The following MED1 variants were observed in gnomAD, a reference collection of about 807,000 sequenced individuals.
MED1 encodes mediator of RNA polymerase II transcription subunit 1.
A neutral mutation model predicts 121.3 loss-of-function variants in MED1; 17 were observed. That is an observed-to-expected ratio of 0.14 (90% CI 0.10 to 0.21). The LOEUF (loss-of-function observed/expected upper bound fraction) is 0.21. Ranked by LOEUF, MED1 falls within the 10% of genes least tolerant of loss-of-function variation. The pLI is 1.00. For synonymous variants in MED1, 661 were observed against 694.4 expected (o/e 0.95, Z 0.76); for missense variants, 1,558 against 1,919.4 (o/e 0.81, Z 3.52).
intron 1 of MED1, among the ~76,000 whole-genome samples, chr17:39,448,306 G>A (rs1357490154): frequency 3.3e-5 from 5 of 149,750 alleles, no homozygotes; most frequent in Non-Finnish European, 5.9e-5. Flanking sequence ...GGAGGCAGAG[G>A]TTGCAGTGAG....
intron 10 of MED1, 145 bp from the exon 11 acceptor site, chr17:39,424,883 T>G (rs1375850681): frequency 6.9e-5 from 37 of 537,554 alleles, no homozygotes; most frequent in Middle Eastern, 1.0e-3. Context: ...ATTTATGTAT[T>G]TATTTATTTA....
chr17:39,418,000 C>T (rs1597857026), intron 14 of MED1, among the ~76,000 whole-genome samples: 1 of 137,580 alleles, frequency 7.3e-6, no homozygotes, highest in South Asian at 2.5e-4. Flanking sequence ...GCAGGAGAAT[C>T]GCTTGAACCT....
Position 39,409,643 on chromosome 17 carries a change from G to GA in MED1, c.2577dup (p.His860SerfsTer2). 6.2e-7 allele frequency: 1 copy of GA among 1,613,872 alleles called. No homozygotes were observed. The highest frequency in any genetic ancestry group is 8.5e-7 in the Non-Finnish European group (1 of 1,179,956). Reference sequence around the variant, plus strand: ...TCAGGATTGAAATCTACTCCATCATGAAAAAAATGATTGGTAGGAGAGTCA... The same window carrying GA: ...TCAGGATTGAAATCTACTCCATCATGAAAAAAAATGATTGGTAGGAGAGTCA... On this transcript the variant is annotated frameshift_variant, in exon 17 of 17. Transcript: ENST00000300651. LOFTEE classifies it high-confidence loss of function.
Position 39,440,240 on chromosome 17 carries a change from T to G in MED1, c.399+146A>C. The G allele has an allele frequency of 1.3e-6, 1 of 744,810 alleles. No homozygotes were observed. Among genetic ancestry groups the G allele is most frequent in the Non-Finnish European group, 2.1e-6 (1 of 480,258 alleles). 46.1% of individuals were successfully genotyped at this position (744,810 alleles called of 1,614,324 possible). A position where few individuals can be genotyped will look rare whatever the true frequency, so the allele number is the denominator to read the frequency against. ...TATTTTCTAAATCCCATTCTATAGC[T>G]GTTGATTTTGTAGCCCATCACATCA... On this transcript the variant is annotated intron_variant, in intron 5 of 16. Transcript: ENST00000300651. This position sits in a 1 kb window ranked among gnomAD's most constrained non-coding sequence, Gnocchi z 4.1.
intron 14 of MED1, among the ~76,000 whole-genome samples, chr17:39,418,137 G>GA (rs1191012696): frequency 4.3e-5 from 6 of 138,988 alleles, no homozygotes; most frequent in Non-Finnish European, 6.3e-5. Context: ...AATCCTGAGA[G>GA]AAAAAAGAGC....
Position 39,440,032 on chromosome 17 carries a change from AAGAG to A in MED1, c.399+350_399+353del, listed in dbSNP as rs1426379058. On this transcript the variant is annotated intron_variant, in intron 5 of 16. Transcript: ENST00000300651. This position sits in a 1 kb window ranked among gnomAD's most constrained non-coding sequence, Gnocchi z 4.1. The stretch of plus-strand genomic sequence containing the variant: ...AAGGAAGGAAGGAAAGAAAGAAAGA[AAGAG>A]AGAAAGAGAAAGAAAGAAAAGAAAG... Among the ~76,000 whole-genome samples, 73 of 142,780 alleles carry A rather than the reference AAGAG, an allele frequency of 5.1e-4. No homozygotes were observed. The East Asian group carries it at 0.01, about 20-fold the overall frequency. 93.7% of individuals were successfully genotyped at this position (142,780 alleles called of 152,430 possible).
At chr17:39,446,441 C>A (rs2048728122) in intron 2 of MED1, among the ~76,000 whole-genome samples, 1 of 96,286 alleles carries the variant, frequency 1.0e-5, no homozygotes, top group South Asian at 5.7e-4. Context: ...CAAAGCGACA[C>A]TCCATCTCAA....
In MED1 at chr17:39,451,221, G is replaced by C. The variant is rs369685597; in HGVS notation, c.-159C>G. On this transcript the variant is annotated 5_prime_UTR_variant, in exon 1 of 17. Coordinates refer to ENST00000300651, the MANE Select transcript of MED1 (RefSeq NM_004774.4). Reference sequence around the variant, plus strand: ...TCTGAAGTCCCCGGCGGCAAGAAGAGAAGGGTGCTCGAGGCCGCCGCCATC... The same window carrying C: ...TCTGAAGTCCCCGGCGGCAAGAAGACAAGGGTGCTCGAGGCCGCCGCCATC... 191 of 796,174 alleles carry C rather than the reference G, an allele frequency of 2.4e-4. 4 individuals carry two copies. Among genetic ancestry groups the C allele is most frequent in the East Asian group, 2.2e-3 (78 of 34,854 alleles). 49.3% of individuals were successfully genotyped at this position (796,174 alleles called of 1,614,324 possible).
rs1175537525 is a variant in MED1 at position 39,439,147 on chromosome 17, T to C, written c.428+18A>G. 3.8e-6 allele frequency: 6 copies of C among 1,592,274 alleles called. No individual in the cohort carries two copies. The Admixed American group carries it at 1.1e-4, about 30-fold the overall frequency. On this transcript the variant is annotated intron_variant, in intron 6 of 16. Coordinates refer to ENST00000300651, the MANE Select transcript of MED1 (RefSeq NM_004774.4). The stretch of plus-strand genomic sequence containing the variant: ...CACTGTCTGTCAATATCAAGGAATA[T>C]AAATCGTATTTGCTCACCTTAGCTG...
In MED1 at chr17:39,423,566, A is replaced by G. The variant is rs2048487024; in HGVS notation, c.977-121T>C. 3 of 1,445,908 alleles carry G rather than the reference A, an allele frequency of 2.1e-6. No individual in the cohort carries two copies. In the East Asian group the frequency reaches 6.8e-5, roughly 33 times the overall value. 89.6% of individuals were successfully genotyped at this position (1,445,908 alleles called of 1,614,324 possible). A position where few individuals can be genotyped will look rare whatever the true frequency, so the allele number is the denominator to read the frequency against. On this transcript the variant is annotated intron_variant, in intron 12 of 16. Coordinates refer to ENST00000300651, the MANE Select transcript of MED1 (RefSeq NM_004774.4). ...TACTTACTAAGCATTTACTAGTACA[A>G]AGCACTATAACATCTTTACCAGTAA...
chr17:39,417,407 T>G (rs190515098), intron 14 of MED1, among the ~76,000 whole-genome samples: 57 of 150,910 alleles, frequency 3.8e-4, no homozygotes, highest in Admixed American at 1.3e-3. Context: ...GGCGGGCAGA[T>G]CACGAGGTCA....
chr17:39,413,405 G>T (rs2144721353), intron 16 of MED1, among the ~76,000 whole-genome samples: 1 of 152,302 alleles, frequency 6.6e-6, no homozygotes. Context: ...TAGAATGACA[G>T]ACGGATACCA....
At position 39,407,757 on chromosome 17, in the gene MED1, T is replaced by G. The variant is rs1195318436; in HGVS notation, c.4464A>C (p.Pro1488=). The G allele has an allele frequency of 6.2e-7, 1 of 1,614,062 alleles. No individual in the cohort carries two copies. Among genetic ancestry groups the G allele is most frequent in the African/African-American group, 1.3e-5 (1 of 74,936 alleles). ...NSPSSDDGIR[P]LPEYSTEKHK... ...GTTTCTCTGTGCTGTATTCTGGAAG[T>G]GGTCGGATACCATCGTCTGAGCTGG... is the stretch of plus-strand genomic sequence containing the variant. Residue 1488 remains proline, a synonymous_variant, in exon 17 of 17, where the codon CCA becomes CCC. Transcript: ENST00000300651.
At chr17:39,421,505 G>A (rs144221735) in intron 13 of MED1, among the ~76,000 whole-genome samples, 7 of 151,914 alleles carry the variant, frequency 4.6e-5, no homozygotes, top group African/African-American at 1.7e-4. Context: ...AGCCGAGATC[G>A]CGCCACTGCA....
intron 6 of MED1, among the ~76,000 whole-genome samples, chr17:39,436,448 ATGTG>A (rs2048619928): frequency 6.6e-6 from 1 of 151,912 alleles, no homozygotes; most frequent in African/African-American, 2.4e-5. Context: ...AGACATCCTC[ATGTG>A]GTGCCTGAGA....
At position 39,451,198 on chromosome 17, in the gene MED1, T is replaced by A; in HGVS notation, c.-136A>T. The A allele has an allele frequency of 3.1e-6, 3 of 977,598 alleles. No individual in the cohort carries two copies. The highest frequency in any genetic ancestry group is 4.6e-6 in the Non-Finnish European group (3 of 649,490). The allele number at this position is 977,598 out of a possible 1,614,324, so 60.6% of individuals were successfully genotyped here. A position where few individuals can be genotyped will look rare whatever the true frequency, so the allele number is the denominator to read the frequency against. On this transcript the variant is annotated 5_prime_UTR_variant, in exon 1 of 17. Transcript: ENST00000300651. ...CTACTCTTCCCGGGAAGGATCAATC[T>A]GAAGTCCCCGGCGGCAAGAAGAGAA...
intron 9 of MED1, among the ~76,000 whole-genome samples, chr17:39,428,355 G>A (rs551557318): frequency 1.6e-4 from 25 of 152,168 alleles, no homozygotes; most frequent in Admixed American, 1.1e-3. Context: ...ATGGTGGCAC[G>A]CGCCTGTAGT....
Position 39,406,343 on chromosome 17 carries a change from TCTC to T in MED1, c.*1129_*1131del, listed in dbSNP as rs2048303390. Reference sequence around the variant, plus strand: ...TGGAGTGATTAAAGTTTGGACTCCTTCTCCTTGTGATGAAGAGAAACAGTGAGT... The same window carrying T: ...TGGAGTGATTAAAGTTTGGACTCCTTCTTGTGATGAAGAGAAACAGTGAGT... On this transcript the variant is annotated 3_prime_UTR_variant, in exon 17 of 17. Coordinates refer to ENST00000300651, the MANE Select transcript of MED1 (RefSeq NM_004774.4). 7.1e-6 allele frequency: 7 copies of T among 985,506 alleles called. 1 individual carries two copies. In the South Asian group the frequency reaches 2.8e-4, roughly 40 times the overall value. 61.0% of individuals were successfully genotyped at this position (985,506 alleles called of 1,614,324 possible). A position where few individuals can be genotyped will look rare whatever the true frequency, so the allele number is the denominator to read the frequency against.
chr17:39,407,795 A>C lies in MED1; in HGVS notation c.4426T>G (p.Tyr1476Asp). 1 of 1,614,088 alleles carries C rather than the reference A, an allele frequency of 6.2e-7. No individual in the cohort carries two copies. Among genetic ancestry groups the C allele is most frequent in the Non-Finnish European group, 8.5e-7 (1 of 1,180,028 alleles). ...ESGSSIAEKS[Y>D]QNSPSSDDGI... is the part of the protein sequence containing the mutation. ...TCGTCTGAGCTGGGACTATTCTGAT[A>C]AGATTTCTCTGCTATGGAGGAGCCT... The change falls in exon 17 of 17, where the codon TAT (tyrosine) becomes GAT (aspartate). Residue 1476 changes from tyrosine to aspartate, a missense_variant. Physicochemically the swap from Tyr to Asp is radical, Grantham distance 160. Coordinates refer to ENST00000300651, the MANE Select transcript of MED1 (RefSeq NM_004774.4).
Sources: allele counts gnomAD v4.1 joint callset (sites outside exome capture counted in the v4.1 genomes callset), GRCh38; gene constraint gnomAD v4.1.1; non-coding constraint Gnocchi (gnomAD v3.1); transcripts MANE v1.5; gene names NCBI Gene and HGNC (gene_info 2026-07-23, HGNC 2026-07-21).